The following CTBP1 variants were observed in gnomAD, a reference collection of about 807,000 sequenced individuals.
CTBP1 encodes C-terminal-binding protein 1.
CTBP1 carries 11 observed loss-of-function variants against 42.1 expected under a neutral mutation model. That is an observed-to-expected ratio of 0.26 (90% CI 0.16 to 0.43). CTBP1 has a LOEUF of 0.43. CTBP1 is among the 20% of genes least tolerant of loss of function. The probability of loss-of-function intolerance (pLI) is 1.00; values close to 1 mark genes in which losing one functional copy is unlikely to be tolerated. For missense variants in CTBP1, 399 were observed against 624.3 expected (o/e 0.64, Z 3.85); for synonymous variants, 324 against 277.1 (o/e 1.17, Z -1.68).
At chr4:1,247,374 CAG>C (rs1323615889) in intron 1 of CTBP1, among the ~76,000 whole-genome samples, 1 of 152,112 alleles carries the variant, frequency 6.6e-6, no homozygotes, top group African/African-American at 2.4e-5. Context: ...AACAGAATCA[CAG>C]AGAGCAAAAG....
Position 1,244,235 on chromosome 4 carries a change from G to C in CTBP1, c.-188-2716C>G, listed in dbSNP as rs992254929. ...CTGCCCACTCCGCCCCGATCCACGT[G>C]TGTGCTGGGCATCGGTCCATTCTGG... On this transcript the variant is annotated intron_variant, in intron 1 of 9. Transcript: ENST00000382952. The C allele has an allele frequency of 6.1e-5, 60 of 985,108 alleles. No homozygotes were observed. The African/African-American group carries it at 9.8e-4, about 16-fold the overall frequency. The allele number at this position is 985,108 out of a possible 1,614,324, so 61.0% of individuals were successfully genotyped here. A position where few individuals can be genotyped will look rare whatever the true frequency, so the allele number is the denominator to read the frequency against.
At chr4:1,245,099 C>T (rs571404161) in intron 1 of CTBP1, 297 of 984,360 alleles carry the variant, frequency 3.0e-4, no homozygotes, top group Non-Finnish European at 3.3e-4. Flanking sequence ...TGAAACAGCT[C>T]CTCCGACGAC....
intron 5 of CTBP1, 54 bp from the exon 6 acceptor site, chr4:1,216,259 C>A: frequency 6.5e-7 from 1 of 1,536,360 alleles, no homozygotes; most frequent in East Asian, 2.4e-5. Context: ...GCCGGGAGGC[C>A]GGCCCCGAAA....
Position 1,248,083 on chromosome 4 carries a change from C to A in CTBP1, c.-189+833G>T, listed in dbSNP as rs1201034276. ...GCAGCCGGGTCGAGGGAAAGAGAGG[C>A]TCCGCGCAGCGGCTCGGGCCGGCCC... On this transcript the variant is annotated intron_variant, in intron 1 of 9. Coordinates refer to ENST00000382952, the MANE Select transcript of CTBP1 (RefSeq NM_001012614.2). Among the ~76,000 whole-genome samples the A allele has an allele frequency of 2.0e-5, 3 of 152,194 alleles. No individual in the cohort carries two copies. The East Asian group carries it at 5.8e-4, about 29-fold the overall frequency.
At chr4:1,222,785 A>G (rs1729894974) in intron 5 of CTBP1, among the ~76,000 whole-genome samples, 1 of 152,112 alleles carries the variant, frequency 6.6e-6, no homozygotes, top group East Asian at 1.9e-4. Context: ...CAGGCCTCAG[A>G]GTGGCCACGG....
At position 1,249,006 on chromosome 4, in the gene CTBP1, C is replaced by G; in HGVS notation, c.-279G>C. On this transcript the variant is annotated 5_prime_UTR_variant, in exon 1 of 10. Coordinates refer to ENST00000382952, the MANE Select transcript of CTBP1 (RefSeq NM_001012614.2). ...CCGACCACTCCGGCGCGCTGCGCCG[C>G]CGCGAGCCCGGCGCGTGGGGCGGCC... is the stretch of plus-strand genomic sequence containing the variant. 1.1e-6 allele frequency: 1 copy of G among 917,434 alleles called. No homozygotes were observed. The highest frequency in any genetic ancestry group is 1.8e-5 in the African/African-American group (1 of 55,240). The allele number at this position is 917,434 out of a possible 1,614,324, so 56.8% of individuals were successfully genotyped here. A position where few individuals can be genotyped will look rare whatever the true frequency, so the allele number is the denominator to read the frequency against.
intron 5 of CTBP1, chr4:1,218,605 C>T (rs936429022): frequency 1.3e-5 from 2 of 152,130 alleles, no homozygotes; most frequent in African/African-American, 2.4e-5. Flanking sequence ...AATTCCTTGA[C>T]AGACTCATGA....
chr4:1,213,150 G>T, intron 8 of CTBP1, 120 bp from the exon 9 acceptor site: 1 of 932,166 alleles, frequency 1.1e-6, no homozygotes, highest in African/African-American at 1.6e-5. Context: ...TCTCAGCCCC[G>T]GGGCTCCCAA....
At chr4:1,239,510 C>G (rs375049351) in intron 2 of CTBP1, among the ~76,000 whole-genome samples, 1 of 152,230 alleles carries the variant, frequency 6.6e-6, no homozygotes, top group Non-Finnish European at 1.5e-5. Context: ...CCGCCCCATC[C>G]GCTGCCCCAT....
Position 1,212,277 on chromosome 4 carries a change from G to A in CTBP1, c.1253C>T (p.Pro418Leu). 2 of 1,534,686 alleles carry A rather than the reference G, an allele frequency of 1.3e-6. No homozygotes were observed. The highest frequency in any genetic ancestry group is 1.8e-4 in the Middle Eastern group (1 of 5,504). ...ACTGGCGTGGTCTCTATCCGCCTCG[G>A]GCTTGACGGTTTGGCCAGGAGAAGG... Reference protein sequence around the residue: ...HAPSPGQTVKPEADRDHASDQ... With the variant: ...HAPSPGQTVKLEADRDHASDQ... Residue 418 changes from proline to leucine, a missense_variant, in exon 10 of 10, where the codon CCC becomes CTC. Transcript: ENST00000382952.
intron 3 of CTBP1, chr4:1,237,956 C>T (rs1279324495): frequency 5.6e-6 from 4 of 708,862 alleles, no homozygotes; most frequent in Non-Finnish European, 7.6e-6. Flanking sequence ...GGGAAAACCC[C>T]GTGTCCACCT....
intron 4 of CTBP1, among the ~76,000 whole-genome samples, chr4:1,226,881 G>A (rs1327202867): frequency 2.6e-5 from 4 of 151,884 alleles, no homozygotes; most frequent in Admixed American, 2.0e-4. Flanking sequence ...CATGGCTTCC[G>A]ACACCACCTG....
rs547923434 is a variant in CTBP1, at chr4:1,227,163, C to T, written c.307+1036G>A. On this transcript the variant is annotated intron_variant, in intron 4 of 9. Transcript: ENST00000382952. ...CAGACACATGTGCATGTTCCATGTG[C>T]GTGTAGGTGCACGGGTGCAGACGTG... is the stretch of plus-strand genomic sequence containing the variant. Among the ~76,000 whole-genome samples the T allele has an allele frequency of 3.0e-3, 451 of 152,182 alleles. 3 individuals are homozygous for T. Among genetic ancestry groups the T allele is most frequent in the African/African-American group, 0.01 (429 of 41,530 alleles).
At chr4:1,245,014 G>C in intron 1 of CTBP1, 1 of 985,450 alleles carries the variant, frequency 1.0e-6, no homozygotes, top group Non-Finnish European at 1.2e-6. Context: ...CCGCACAGCA[G>C]CATGGAGCCA....
chr4:1,212,770 G>T, intron 9 of CTBP1, 143 bp downstream of exon 9: 1 of 719,728 alleles, frequency 1.4e-6, no homozygotes, highest in South Asian at 1.7e-5. Context: ...GGGCCTTTCA[G>T]GTGAGGTTGG....
intron 6 of CTBP1, among the ~76,000 whole-genome samples, chr4:1,215,059 G>A (rs1728965435): frequency 6.6e-6 from 1 of 152,164 alleles, no homozygotes; most frequent in South Asian, 2.1e-4. Flanking sequence ...ACCCAGCCAC[G>A]GTGCTTGGCT....
chr4:1,230,927 C>G (rs953500379), intron 3 of CTBP1, among the ~76,000 whole-genome samples: 13 of 152,272 alleles, frequency 8.5e-5, no homozygotes, highest in African/African-American at 2.4e-4. Context: ...GAAGCGCAAG[C>G]TGCCTCCCCG....
Position 1,234,004 on chromosome 4 carries a change from C to T in CTBP1, c.162+4179G>A, listed in dbSNP as rs374524013. Among the ~76,000 whole-genome samples, 66 of 152,304 alleles carry T rather than the reference C, an allele frequency of 4.3e-4. No individual in the cohort carries two copies. The East Asian group carries it at 0.012, about 28-fold the overall frequency. ...CCAGCACGTGGCTCCCCTCACAGTC[C>T]AAGGTGGCTACCCCGGGTTCCAGCC... On this transcript the variant is annotated intron_variant, in intron 3 of 9. Transcript: ENST00000382952.
chr4:1,237,689 TG>T, intron 3 of CTBP1: 1 of 653,074 alleles, frequency 1.5e-6, no homozygotes, highest in African/African-American at 1.9e-5. Context: ...GTCCACCTCC[TG>T]ATGGGGCTCA....
Sources: gnomAD v4.1 joint callset for allele counts (sites outside exome capture counted in the v4.1 genomes callset) on GRCh38, gnomAD v4.1.1 for gene constraint, MANE v1.5 for transcripts, NCBI Gene and HGNC (gene_info 2026-07-23, HGNC 2026-07-21) for gene names.